The following ITPR2 variants were observed in gnomAD, a reference collection of about 807,000 sequenced individuals.
ITPR2 encodes the protein inositol 1,4,5-trisphosphate-gated calcium channel ITPR2.
Under a neutral mutation model 317.1 loss-of-function variants are expected in ITPR2, and 207 were observed. The observed-to-expected ratio is 0.65, with a 90% CI of 0.58 to 0.73. ITPR2 has a LOEUF of 0.73. Ranked by LOEUF, ITPR2 falls within the 30% of genes least tolerant of loss-of-function variation. ITPR2 has a pLI of 0.00. For synonymous variants in ITPR2, 1,156 were observed against 1,149.1 expected (o/e 1.01, Z -0.12); for missense variants, 2,613 against 3,284.0 (o/e 0.80, Z 4.99).
intron 26 of ITPR2, among the ~76,000 whole-genome samples, chr12:26,615,773 T>C (rs542601292): frequency 1.3e-5 from 2 of 152,162 alleles, no homozygotes; most frequent in Non-Finnish European, 2.9e-5. Flanking sequence ...TAAAAACTAA[T>C]AGAAATGCAA....
intron 1 of ITPR2, among the ~76,000 whole-genome samples, chr12:26,821,334 C>T (rs1034575088): frequency 9.9e-5 from 15 of 152,124 alleles, no homozygotes; most frequent in African/African-American, 3.1e-4. Flanking sequence ...TGCCACTTGC[C>T]GTCATGGATA....
chr12:26,740,824 A>G (rs938980404), intron 2 of ITPR2, among the ~76,000 whole-genome samples: 4 of 152,226 alleles, frequency 2.6e-5, no homozygotes, highest in Admixed American at 1.3e-4. Flanking sequence ...TGCACTGCCT[A>G]CTGGATGAAG....
chr12:26,706,589 C>A (rs2137012575), intron 9 of ITPR2, among the ~76,000 whole-genome samples: 1 of 152,232 alleles, frequency 6.6e-6, no homozygotes, highest in Non-Finnish European at 1.5e-5. Context: ...GACCCCCTGA[C>A]CATTTCTTGC....
At chr12:26,616,884 T>A (rs1219073388) in intron 26 of ITPR2, among the ~76,000 whole-genome samples, 1 of 152,196 alleles carries the variant, frequency 6.6e-6, no homozygotes, top group African/African-American at 2.4e-5. Context: ...TTTATGATGA[T>A]CCAATTCCAT....
Position 26,337,842 on chromosome 12 carries a change from T to C in ITPR2, c.*1555A>G, listed in dbSNP as rs1343167636. The C allele has an allele frequency of 1.3e-5, 2 of 152,238 alleles. No homozygotes were observed. The highest frequency in any genetic ancestry group is 2.9e-5 in the Non-Finnish European group (2 of 68,046). 9.4% of individuals were successfully genotyped at this position (152,238 alleles called of 1,614,324 possible). ...TGGGTCCCAACAGCTTTGTTCCAAG[T>C]CTACATCTTAACAGTATGTGGAAGG... is the stretch of plus-strand genomic sequence containing the variant. On this transcript the variant is annotated 3_prime_UTR_variant, in exon 57 of 57. Transcript: ENST00000381340.
At chr12:26,510,294 C>T (rs750368836) in intron 37 of ITPR2, among the ~76,000 whole-genome samples, 5 of 152,166 alleles carry the variant, frequency 3.3e-5, no homozygotes, top group Non-Finnish European at 7.3e-5. Context: ...TCCTTTTACT[C>T]CTTCTCATAA....
chr12:26,519,163 C>T (rs1307109552), intron 37 of ITPR2, among the ~76,000 whole-genome samples: 3 of 152,148 alleles, frequency 2.0e-5, no homozygotes, highest in African/African-American at 7.2e-5. Flanking sequence ...ATAAGAAAAA[C>T]TTCCAAATTC....
Position 26,659,282 on chromosome 12 carries a change from A to AAT in ITPR2, c.1716_1717insAT (p.Tyr573IlefsTer35). On this transcript the variant is annotated frameshift_variant, in exon 16 of 57. Coordinates refer to ENST00000381340, the MANE Select transcript of ITPR2 (RefSeq NM_002223.4). LOFTEE classifies it high-confidence loss of function. ...ATGACACAGAAATTCTTAGCAATAT[A>AAT]TTCCTGCAAAGAAGAAAGGCTGTCA... The AAT allele has an allele frequency of 6.2e-7, 1 of 1,612,976 alleles. No individual in the cohort carries two copies. Among genetic ancestry groups the AAT allele is most frequent in the Non-Finnish European group, 8.5e-7 (1 of 1,179,690 alleles).
chr12:26,761,870 A>C (rs575850566), intron 2 of ITPR2, among the ~76,000 whole-genome samples: 3 of 152,252 alleles, frequency 2.0e-5, no homozygotes, highest in Non-Finnish European at 2.9e-5. Context: ...ACAATTACAC[A>C]AAATTAGAAG....
At chr12:26,366,285 A>G (rs1055686701) in intron 55 of ITPR2, among the ~76,000 whole-genome samples, 1 of 152,134 alleles carries the variant, frequency 6.6e-6, no homozygotes, top group Non-Finnish European at 1.5e-5. Context: ...TTTCACTACA[A>G]TTTCATGCCC....
intron 2 of ITPR2, among the ~76,000 whole-genome samples, chr12:26,787,845 A>G (rs1950280904): frequency 6.6e-6 from 1 of 152,206 alleles, no homozygotes; most frequent in Non-Finnish European, 1.5e-5. Flanking sequence ...CTGCTCTTGA[A>G]GAGGCAATGA....
At chr12:26,398,057 GGT>G (rs35660888) in intron 54 of ITPR2, among the ~76,000 whole-genome samples, 11,200 of 134,798 alleles carry the variant, frequency 0.083, 451 homozygotes, top group Middle Eastern at 0.15. Flanking sequence ...GGAGGGGAGT[GGT>G]GTGTGTGTGT....
chr12:26,642,206 T>C (rs1467935896), intron 21 of ITPR2, among the ~76,000 whole-genome samples: 1 of 152,226 alleles, frequency 6.6e-6, no homozygotes, highest in Admixed American at 6.5e-5. Flanking sequence ...TATTACATGT[T>C]TAAATGTTAT....
intron 2 of ITPR2, among the ~76,000 whole-genome samples, chr12:26,732,800 T>G (rs2137065056): frequency 6.6e-6 from 1 of 152,254 alleles, no homozygotes; most frequent in Non-Finnish European, 1.5e-5. Context: ...TCAAGGCCAT[T>G]TAGAACAAAT....
At chr12:26,678,188 G>A (rs1947955866) in intron 13 of ITPR2, among the ~76,000 whole-genome samples, 1 of 152,204 alleles carries the variant, frequency 6.6e-6, no homozygotes, top group Non-Finnish European at 1.5e-5. Context: ...GGGACTGCCT[G>A]TGTCACTTCC....
chr12:26,565,682 A>G (rs1009043592), intron 34 of ITPR2, among the ~76,000 whole-genome samples: 1 of 151,698 alleles, frequency 6.6e-6, no homozygotes, highest in African/African-American at 2.4e-5. Context: ...ATGCAATGGT[A>G]GCCTCAGCTA....
At chr12:26,635,991 G>T (rs898154656) in intron 21 of ITPR2, among the ~76,000 whole-genome samples, 1 of 152,220 alleles carries the variant, frequency 6.6e-6, no homozygotes, top group Non-Finnish European at 1.5e-5. Flanking sequence ...AGATTAAACA[G>T]CCAGAGAAAG....
chr12:26,626,964 T>C (rs1383666716), intron 23 of ITPR2, among the ~76,000 whole-genome samples: 1 of 151,918 alleles, frequency 6.6e-6, no homozygotes, highest in Non-Finnish European at 1.5e-5. Flanking sequence ...AAAAAAAAAA[T>C]GGTAATTTAA....
intron 36 of ITPR2, 73 bp downstream of exon 36, chr12:26,556,160 A>G: frequency 2.1e-6 from 3 of 1,442,416 alleles, no homozygotes; most frequent in Non-Finnish European, 2.8e-6. Flanking sequence ...ATATCAGTGA[A>G]GTATAAAGCG....
Sources: allele counts gnomAD v4.1 joint callset (sites outside exome capture counted in the v4.1 genomes callset), GRCh38; gene constraint gnomAD v4.1.1; transcripts MANE v1.5; gene names NCBI Gene and HGNC (gene_info 2026-07-23, HGNC 2026-07-21).